PRKCE: variants seen among roughly 807,000 people sequenced by gnomAD.
PRKCE encodes protein kinase C epsilon type.
Under a neutral mutation model 85.4 loss-of-function variants are expected in PRKCE, and 16 were observed. The observed-to-expected ratio is 0.19, with a 90% confidence interval of 0.13 to 0.28. PRKCE has a LOEUF of 0.28. PRKCE is among the 10% of genes least tolerant of loss of function. PRKCE has a pLI of 1.00. For missense variants in PRKCE, 573 were observed against 975.2 expected (o/e 0.59, Z 5.49); for synonymous variants, 388 against 371.5 (o/e 1.04, Z -0.51).
At chr2:46,179,917 A>G (rs926482522) in intron 14 of PRKCE, among the ~76,000 whole-genome samples, 2 of 152,218 alleles carry the variant, frequency 1.3e-5, no homozygotes, top group African/African-American at 4.8e-5. Context: ...CCCTGAACCC[A>G]GATCACGTTA....
At chr2:45,758,977 G>C (rs1217856059) in intron 1 of PRKCE, among the ~76,000 whole-genome samples, 1 of 152,202 alleles carries the variant, frequency 6.6e-6, no homozygotes, top group Non-Finnish European at 1.5e-5. Context: ...GGGACCGTGG[G>C]AGAGTATCAG....
intron 1 of PRKCE, among the ~76,000 whole-genome samples, chr2:45,823,093 C>T (rs1355568999): frequency 2.0e-5 from 3 of 152,202 alleles, no homozygotes; most frequent in Non-Finnish European, 2.9e-5. Flanking sequence ...CCCCAAGGAG[C>T]CTGGGCTCCT....
At chr2:45,919,736 GC>G (rs895026209) in intron 2 of PRKCE, among the ~76,000 whole-genome samples, 2 of 152,240 alleles carry the variant, frequency 1.3e-5, no homozygotes, top group Admixed American at 6.5e-5. Flanking sequence ...TAGGGCTGGG[GC>G]TAGAGAAAAA....
chr2:45,863,923 C>T (rs1244777506), intron 2 of PRKCE, among the ~76,000 whole-genome samples: 2 of 152,136 alleles, frequency 1.3e-5, no homozygotes, highest in African/African-American at 4.8e-5. Context: ...CAGCAGACGG[C>T]CCAATTCAAA....
chr2:46,145,287 T>C lies in PRKCE; in HGVS notation c.1731+56T>C. 1 of 1,589,656 alleles carries C rather than the reference T, an allele frequency of 6.3e-7. No individual in the cohort carries two copies. The highest frequency in any genetic ancestry group is 8.5e-7 in the Non-Finnish European group (1 of 1,172,684). On this transcript the variant is annotated intron_variant, in intron 12 of 14. Transcript: ENST00000306156. This position sits in a 1 kb window ranked among gnomAD's most constrained non-coding sequence, Gnocchi z 4.6. ...CCTGGTGCCAGGACCGAGGCAGGGG[T>C]CCAAACCCATGCACTGGGGTCATCT...
intron 2 of PRKCE, among the ~76,000 whole-genome samples, chr2:45,919,619 G>T (rs1282673553): frequency 1.3e-5 from 2 of 152,236 alleles, no homozygotes; most frequent in African/African-American, 4.8e-5. Flanking sequence ...GGCGGGGAAG[G>T]CCACCAGGAG....
At chr2:45,778,623 T>C (rs959300277) in intron 1 of PRKCE, among the ~76,000 whole-genome samples, 2 of 152,138 alleles carry the variant, frequency 1.3e-5, no homozygotes, top group Non-Finnish European at 2.9e-5. Context: ...TAGCGGATGT[T>C]CCTCTAACTC....
intron 2 of PRKCE, among the ~76,000 whole-genome samples, chr2:45,918,014 C>T (rs1038787931): frequency 1.2e-4 from 19 of 152,246 alleles, no homozygotes; most frequent in African/African-American, 4.6e-4. Flanking sequence ...CTAGCTGGCC[C>T]GCTAGCGCCG....
chr2:46,006,050 A>T (rs1277851646), intron 8 of PRKCE, among the ~76,000 whole-genome samples: 3 of 152,124 alleles, frequency 2.0e-5, no homozygotes, highest in Admixed American at 6.5e-5. Flanking sequence ...CTGCCATTGG[A>T]TGGATACAGT....
At chr2:45,664,506 G>T (rs892752617) in intron 1 of PRKCE, among the ~76,000 whole-genome samples, 1 of 152,210 alleles carries the variant, frequency 6.6e-6, no homozygotes, top group Non-Finnish European at 1.5e-5. Context: ...CAACTGAAGG[G>T]TTGCCAGTAA....
intron 6 of PRKCE, among the ~76,000 whole-genome samples, chr2:45,993,565 C>T (rs139383181): frequency 1.8e-3 from 276 of 152,302 alleles, no homozygotes; most frequent in Non-Finnish European, 3.3e-3. Context: ...TTTGTCAGGA[C>T]AGACAGGTCT....
chr2:45,952,113 A>C (rs1486463764), intron 2 of PRKCE, among the ~76,000 whole-genome samples: 3 of 152,228 alleles, frequency 2.0e-5, no homozygotes, highest in Admixed American at 6.5e-5. Flanking sequence ...GATCACAGGC[A>C]TGAGCCACTG....
intron 1 of PRKCE, among the ~76,000 whole-genome samples, chr2:45,827,498 A>AT (rs1429966487): frequency 2.6e-5 from 4 of 152,194 alleles, no homozygotes; most frequent in Non-Finnish European, 5.9e-5. Context: ...GGAATTGTTC[A>AT]TTTTTAAAGG....
At chr2:45,887,461 C>G (rs1328922959) in intron 2 of PRKCE, among the ~76,000 whole-genome samples, 1 of 152,010 alleles carries the variant, frequency 6.6e-6, no homozygotes, top group Non-Finnish European at 1.5e-5. Context: ...GCTTATAGAA[C>G]TATGAAGAGT....
At chr2:46,067,412 C>T (rs1214518135) in intron 10 of PRKCE, among the ~76,000 whole-genome samples, 1 of 152,176 alleles carries the variant, frequency 6.6e-6, no homozygotes, top group African/African-American at 2.4e-5. Flanking sequence ...TTGGCGCTAC[C>T]TGGAAGGCAG....
intron 1 of PRKCE, among the ~76,000 whole-genome samples, chr2:45,662,539 G>T (rs1266878067): frequency 1.3e-5 from 2 of 152,070 alleles, no homozygotes; most frequent in African/African-American, 4.8e-5. Flanking sequence ...TAGATGCTCT[G>T]TAAAGGCACC....
chr2:46,105,777 A>G (rs891880382), intron 11 of PRKCE, among the ~76,000 whole-genome samples: 2 of 152,204 alleles, frequency 1.3e-5, no homozygotes, highest in African/African-American at 4.8e-5. Flanking sequence ...TGAGCTTACC[A>G]CAATAGCAAC....
At chr2:45,681,680 G>C (rs1438814366) in intron 1 of PRKCE, among the ~76,000 whole-genome samples, 2 of 152,204 alleles carry the variant, frequency 1.3e-5, no homozygotes, top group Non-Finnish European at 2.9e-5. Context: ...AGAGACCAGA[G>C]CTGGGGCTAT....
chr2:45,773,581 G>A (rs998355180), intron 1 of PRKCE, among the ~76,000 whole-genome samples: 4 of 152,224 alleles, frequency 2.6e-5, no homozygotes, highest in Non-Finnish European at 5.9e-5. Flanking sequence ...TGCCTCCCCA[G>A]TTATTACTCC....
Sources: allele counts gnomAD v4.1 joint callset (sites outside exome capture counted in the v4.1 genomes callset), GRCh38; gene constraint gnomAD v4.1.1; non-coding constraint Gnocchi (gnomAD v3.1); transcripts MANE v1.5; gene names NCBI Gene and HGNC (gene_info 2026-07-23, HGNC 2026-07-21).